Variants in ZC3H12B observed in about 807,000 individuals in gnomAD.
ZC3H12B encodes zinc finger CCCH-type containing 12B.
Under a neutral mutation model 43.9 loss-of-function variants are expected in ZC3H12B, and 7 were observed. That is an observed-to-expected ratio of 0.16 (90% confidence interval 0.09 to 0.30). ZC3H12B has a LOEUF of 0.30. ZC3H12B is among the 10% of genes least tolerant of loss of function. The pLI is 1.00. For synonymous variants in ZC3H12B, 222 were observed against 241.7 expected (o/e 0.92, Z 0.76); for missense variants, 475 against 670.2 (o/e 0.71, Z 3.22).
chrX:65,049,139 T>C, the ZC3H12B span, among the ~76,000 whole-genome samples: 1 of 111,499 alleles, frequency 9.0e-6, no homozygotes, highest in Non-Finnish European at 1.9e-5. Flanking sequence ...ACTCTGTTGA[T>C]GTGTTCCTTT....
the ZC3H12B span, among the ~76,000 whole-genome samples, chrX:65,166,610 G>A: frequency 8.9e-6 from 1 of 111,801 alleles, no homozygotes; most frequent in Non-Finnish European, 1.9e-5. Flanking sequence ...GATCCTTGAC[G>A]AATCACCACA....
At chrX:65,372,461 A>G (rs753949974) in intron 2 of ZC3H12B, among the ~76,000 whole-genome samples, 1 of 105,787 alleles carries the variant, frequency 9.5e-6, no homozygotes, top group Non-Finnish European at 1.9e-5. Flanking sequence ...GGAAGAAGAG[A>G]GGACAGGAGA....
the ZC3H12B span, among the ~76,000 whole-genome samples, chrX:65,307,952 G>A: frequency 9.0e-6 from 1 of 111,414 alleles, no homozygotes; most frequent in Non-Finnish European, 1.9e-5. Flanking sequence ...CTGAAATAAA[G>A]CAAAACTGGC....
the ZC3H12B span, among the ~76,000 whole-genome samples, chrX:65,149,242 G>T: frequency 9.0e-6 from 1 of 111,628 alleles, no homozygotes; most frequent in Non-Finnish European, 1.9e-5. Context: ...CTCCAGTCCT[G>T]TGAGAAAGCA....
intron 2 of ZC3H12B, among the ~76,000 whole-genome samples, chrX:65,387,181 G>A (rs1379690021): frequency 9.0e-6 from 1 of 111,663 alleles, no homozygotes; most frequent in Non-Finnish European, 1.9e-5. Flanking sequence ...GCAGAGCTGA[G>A]TCCAATTCCT....
chrX:65,222,019 T>A, the ZC3H12B span, among the ~76,000 whole-genome samples: 1 of 111,837 alleles, frequency 8.9e-6, no homozygotes, highest in Non-Finnish European at 1.9e-5. Flanking sequence ...GTGGGTTTTA[T>A]ATCAGGGACA....
chrX:65,175,500 A>G, the ZC3H12B span, among the ~76,000 whole-genome samples: 1 of 112,367 alleles, frequency 8.9e-6, no homozygotes, highest in South Asian at 3.6e-4. Flanking sequence ...ATGTTCCAAA[A>G]TCAAAAACTT....
At chrX:65,096,730 A>T in the ZC3H12B span, among the ~76,000 whole-genome samples, 1 of 112,142 alleles carries the variant, frequency 8.9e-6, no homozygotes, top group South Asian at 3.7e-4. Context: ...CACAAGTGAG[A>T]CATTGAAGAG....
At chrX:65,223,142 AC>A in the ZC3H12B span, among the ~76,000 whole-genome samples, 1 of 111,522 alleles carries the variant, frequency 9.0e-6, no homozygotes, top group Admixed American at 9.5e-5. Flanking sequence ...GGGAAAGGAC[AC>A]CCTATTCAAC....
chrX:65,384,435 T>C (rs1273322642), intron 2 of ZC3H12B, among the ~76,000 whole-genome samples: 1 of 111,018 alleles, frequency 9.0e-6, no homozygotes, highest in Non-Finnish European at 1.9e-5. Flanking sequence ...GTGGGTGCAG[T>C]GCACCAGCAT....
the ZC3H12B span, among the ~76,000 whole-genome samples, chrX:65,137,168 A>G: frequency 8.9e-6 from 1 of 112,299 alleles, no homozygotes; most frequent in Non-Finnish European, 1.9e-5. Flanking sequence ...AGAAGCCTTT[A>G]TAATGTAAAA....
intron 3 of ZC3H12B, among the ~76,000 whole-genome samples, chrX:65,435,778 T>C (rs983489398): frequency 1.9e-4 from 21 of 111,467 alleles, no homozygotes; most frequent in African/African-American, 6.9e-4. Context: ...TTCCACAGTA[T>C]ACTGTATGTG....
chrX:65,350,903 T>C, the ZC3H12B span, among the ~76,000 whole-genome samples: 4 of 111,789 alleles, frequency 3.6e-5, no homozygotes, highest in African/African-American at 1.3e-4. Context: ...CCTAAAGTAA[T>C]TTATAGATTC....
the ZC3H12B span, among the ~76,000 whole-genome samples, chrX:65,203,801 A>C: frequency 1.8e-5 from 2 of 111,562 alleles, no homozygotes; most frequent in Non-Finnish European, 1.9e-5. Context: ...CAGCACCAGG[A>C]CTTGCCCAGG....
the ZC3H12B span, among the ~76,000 whole-genome samples, chrX:65,314,880 A>G: frequency 3.6e-5 from 4 of 111,164 alleles, no homozygotes; most frequent in Non-Finnish European, 7.5e-5. Flanking sequence ...AGGAAACTGT[A>G]TGGTAACAAG....
chrX:65,377,250 A>C (rs1409807068), intron 2 of ZC3H12B, among the ~76,000 whole-genome samples: 1 of 110,011 alleles, frequency 9.1e-6, no homozygotes, highest in Non-Finnish European at 1.9e-5. Context: ...AAAACAATGA[A>C]GCACACTTAG....
chrX:65,344,721 A>T, the ZC3H12B span, among the ~76,000 whole-genome samples: 1 of 112,664 alleles, frequency 8.9e-6, no homozygotes, highest in African/African-American at 3.2e-5. Context: ...GAAAACTGAG[A>T]TATAAACTAA....
At chrX:65,453,996 A>C (rs910613786) in intron 3 of ZC3H12B, among the ~76,000 whole-genome samples, 1 of 111,832 alleles carries the variant, frequency 8.9e-6, no homozygotes, top group South Asian at 3.7e-4. Context: ...TGCATGAAAA[A>C]TCTCAGAAAG....
rs576630762 is a variant in ZC3H12B, at chrX:65,503,491, C to T, written c.*282C>T. 140 of 240,806 alleles carry T rather than the reference C, an allele frequency of 5.8e-4. No homozygotes were observed. The South Asian group carries it at 0.015, about 26-fold the overall frequency. 19.8% of individuals were successfully genotyped at this position (240,806 alleles called of 1,213,427 possible). A position where few individuals can be genotyped will look rare whatever the true frequency, so the allele number is the denominator to read the frequency against. On this transcript the variant is annotated 3_prime_UTR_variant, in exon 5 of 5. Coordinates refer to ENST00000338957, the Ensembl canonical transcript of ZC3H12B. ...AAGTCCTCTAAATCCAAGTCCCATG[C>T]CCCTTTGCACTGCACCATGCAGGTA...
Sources: allele counts gnomAD v4.1 joint callset (sites outside exome capture counted in the v4.1 genomes callset), GRCh38; gene constraint gnomAD v4.1.1; transcripts MANE v1.5; gene names NCBI Gene and HGNC (gene_info 2026-07-23, HGNC 2026-07-21).